Variants in RBFOX1 observed in about 807,000 individuals in gnomAD.
RBFOX1 encodes RNA binding fox-1 homolog 1, also known as RNA binding protein fox-1 homolog 1.
Under a neutral mutation model 57.7 loss-of-function variants are expected in RBFOX1, and 8 were observed. That is an observed-to-expected ratio of 0.14 (90% CI 0.08 to 0.25). The LOEUF (loss-of-function observed/expected upper bound fraction) is 0.25. RBFOX1 is among the 10% of genes least tolerant of loss of function. The pLI, the probability that RBFOX1 is intolerant of heterozygous loss-of-function variation, is 1.00. For missense variants in RBFOX1, 611 were observed against 548.5 expected, an observed-to-expected ratio of 1.11 and a Z score of -1.14; for synonymous variants, 326 against 222.4, an observed-to-expected ratio of 1.47 and a Z score of -4.15.
chr16:6,812,808 C>G (rs774436355), intron 3 of RBFOX1, among the ~76,000 whole-genome samples: 5 of 152,258 alleles, frequency 3.3e-5, no homozygotes, highest in South Asian at 4.2e-4. Flanking sequence ...CTGTTTTACT[C>G]CATTAGGTTT....
At chr16:6,328,138 T>C (rs957517775) in intron 2 of RBFOX1, among the ~76,000 whole-genome samples, 1 of 152,212 alleles carries the variant, frequency 6.6e-6, no homozygotes, top group Non-Finnish European at 1.5e-5. Flanking sequence ...AGTGGCTTTT[T>C]CAGCAACCTG....
intron 1 of RBFOX1, among the ~76,000 whole-genome samples, chr16:6,223,275 C>T (rs2097390078): frequency 6.6e-6 from 1 of 151,316 alleles, no homozygotes; most frequent in Admixed American, 6.6e-5. Flanking sequence ...GGAATCGCCA[C>T]ACTGACTTCC....
chr16:6,815,400 C>G (rs891238701), intron 3 of RBFOX1, among the ~76,000 whole-genome samples: 5 of 152,162 alleles, frequency 3.3e-5, no homozygotes, highest in African/African-American at 4.8e-5. Context: ...AGATCTCAGC[C>G]TTACTTTACC....
At position 5,422,337 on chromosome 16, in the gene RBFOX1, G is replaced by A. The variant is rs578152564; in HGVS notation, c.220-44879G>A. Among the ~76,000 whole-genome samples the A allele has an allele frequency of 3.5e-4, 49 of 140,762 alleles. 1 individual carries two copies. Among genetic ancestry groups the A allele is most frequent in the African/African-American group, 1.2e-3 (46 of 37,630 alleles). 92.3% of individuals were successfully genotyped at this position (140,762 alleles called of 152,430 possible). ...ATGTAGCAAAGGGGAAGAGGAGAACGTGGAGGAGGAGGGAGAAGGAGGGAG... is the reference window on the plus strand; with the variant it reads ...ATGTAGCAAAGGGGAAGAGGAGAACATGGAGGAGGAGGGAGAAGGAGGGAG... On this transcript the variant is annotated intron_variant, in intron 1 of 2. Coordinates refer to the RBFOX1 transcript ENST00000585867.
chr16:6,901,393 C>T (rs908991941), intron 3 of RBFOX1, among the ~76,000 whole-genome samples: 4 of 152,104 alleles, frequency 2.6e-5, no homozygotes, highest in Admixed American at 6.6e-5. Context: ...GTGAACAGGA[C>T]GTTCCTACTA....
Position 6,986,401 on chromosome 16 carries a change from G to T in RBFOX1, c.-15-65656G>T, listed in dbSNP as rs570848760. 5.3e-5 allele frequency among the ~76,000 whole-genome samples: 8 copies of T among 151,988 alleles called. No homozygotes were observed. The East Asian group carries it at 1.4e-3, about 26-fold the overall frequency. ...TCTAGTAGAGACGGGGTTTCACCAT[G>T]TTGGCCAGGCTGGTCTGGAACTCCT... On this transcript the variant is annotated intron_variant, in intron 3 of 15. Transcript: ENST00000550418.
intron 2 of RBFOX1, among the ~76,000 whole-genome samples, chr16:6,319,431 T>C (rs983803907): frequency 2.6e-5 from 4 of 152,290 alleles, no homozygotes; most frequent in Non-Finnish European, 5.9e-5. Context: ...TGAGTACTTG[T>C]TGGATATAAT....
chr16:6,239,874 G>T (rs920937594), intron 1 of RBFOX1, among the ~76,000 whole-genome samples: 1 of 152,112 alleles, frequency 6.6e-6, no homozygotes, highest in African/African-American at 2.4e-5. Context: ...ATAGGTACGT[G>T]AGTGTCTGAT....
At chr16:5,505,222 A>C (rs956680517) in intron 2 of RBFOX1, among the ~76,000 whole-genome samples, 1 of 152,138 alleles carries the variant, frequency 6.6e-6, no homozygotes, top group South Asian at 2.1e-4. Flanking sequence ...CTTCTCCTCT[A>C]CTTAAAACCT....
At chr16:7,602,882 A>C (rs1010831829) in intron 9 of RBFOX1, among the ~76,000 whole-genome samples, 1 of 152,252 alleles carries the variant, frequency 6.6e-6, no homozygotes, top group African/African-American at 2.4e-5. Flanking sequence ...AACTATATCA[A>C]GTATTTTCTT....
intron 4 of RBFOX1, among the ~76,000 whole-genome samples, chr16:5,879,351 G>C (rs767298678): frequency 6.6e-6 from 1 of 152,278 alleles, no homozygotes; most frequent in African/African-American, 2.4e-5. Context: ...CTTGCAAATG[G>C]GTTGTGTGCT....
At position 6,733,116 on chromosome 16, in the gene RBFOX1, G is replaced by C. The variant is rs1189328235; in HGVS notation, c.-16+78466G>C. Among the ~76,000 whole-genome samples, 3 of 152,278 alleles carry C rather than the reference G, an allele frequency of 2.0e-5. No individual in the cohort carries two copies. In the East Asian group the frequency reaches 5.8e-4, roughly 29 times the overall value. On this transcript the variant is annotated intron_variant, in intron 3 of 15. Coordinates refer to ENST00000550418, the MANE Select transcript of RBFOX1 (RefSeq NM_018723.4). ...TGAAAACAGAAATATATGAATATAA[G>C]CACTGTTGAATGCAAATATCAAAAT...
At chr16:5,410,339 T>C (rs1238524743) in intron 1 of RBFOX1, among the ~76,000 whole-genome samples, 4 of 150,980 alleles carry the variant, frequency 2.6e-5, no homozygotes, top group Non-Finnish European at 4.4e-5. Flanking sequence ...GCCACTGCAC[T>C]CTAGCCTGGG....
At chr16:7,052,544 T>C (rs576127358) in intron 4 of RBFOX1, among the ~76,000 whole-genome samples, 1 of 152,280 alleles carries the variant, frequency 6.6e-6, no homozygotes, top group South Asian at 2.1e-4. Flanking sequence ...AGAATTTGTG[T>C]TATCTATAGA....
At chr16:7,699,926 A>AAAATG (rs1408662902) in intron 14 of RBFOX1, among the ~76,000 whole-genome samples, 4 of 152,134 alleles carry the variant, frequency 2.6e-5, no homozygotes, top group Admixed American at 1.3e-4. Context: ...ACCAGGAGTT[A>AAAATG]AAATGTTGTG....
intron 2 of RBFOX1, among the ~76,000 whole-genome samples, chr16:5,498,519 A>G (rs2043078799): frequency 6.6e-6 from 1 of 152,178 alleles, no homozygotes; most frequent in Non-Finnish European, 1.5e-5. Flanking sequence ...TTTCTAGAAG[A>G]TCACACTGCC....
chr16:6,504,794 G>A (rs1009195515), intron 2 of RBFOX1, among the ~76,000 whole-genome samples: 15 of 152,102 alleles, frequency 9.9e-5, no homozygotes, highest in African/African-American at 3.1e-4. Flanking sequence ...AGTGGCTCAC[G>A]CCTGTAATCC....
At chr16:7,093,847 C>G (rs769078021) in intron 4 of RBFOX1, among the ~76,000 whole-genome samples, 4 of 151,992 alleles carry the variant, frequency 2.6e-5, no homozygotes, top group Non-Finnish European at 4.4e-5. Context: ...TATCATAAAG[C>G]CACATCCATT....
intron 3 of RBFOX1, among the ~76,000 whole-genome samples, chr16:5,853,262 C>G (rs1405215850): frequency 6.6e-6 from 1 of 152,106 alleles, no homozygotes; most frequent in Non-Finnish European, 1.5e-5. Flanking sequence ...CCCGGGTCTT[C>G]CAGCCAGACA....
Sources: allele counts gnomAD v4.1 joint callset (sites outside exome capture counted in the v4.1 genomes callset), GRCh38; gene constraint gnomAD v4.1.1; transcripts MANE v1.5; gene names NCBI Gene and HGNC (gene_info 2026-07-23, HGNC 2026-07-21).